ANO10: variants seen among roughly 807,000 people sequenced by gnomAD.
ANO10 encodes the protein anoctamin 10.
Under a neutral mutation model 74.7 loss-of-function variants are expected in ANO10, and 77 were observed. That is an observed-to-expected ratio of 1.03 (90% CI 0.86 to 1.25). The LOEUF (loss-of-function observed/expected upper bound fraction) is 1.25. Ranked by LOEUF, ANO10 falls within the 50% of genes most tolerant of loss-of-function variation. The probability of loss-of-function intolerance (pLI) is 0.00; values close to 1 mark genes in which losing one functional copy is unlikely to be tolerated. For missense variants in ANO10, 721 were observed against 778.1 expected (o/e 0.93, Z 0.87); for synonymous variants, 279 against 284.9 (o/e 0.98, Z 0.21).
chr3:43,571,943 CCTT>C (rs1023152285), intron 7 of ANO10, among the ~76,000 whole-genome samples: 9 of 151,144 alleles, frequency 6.0e-5, no homozygotes, highest in Admixed American at 2.0e-4. Flanking sequence ...CCCCATGTCT[CCTT>C]ATTAAATAAA....
intron 10 of ANO10, among the ~76,000 whole-genome samples, chr3:43,552,872 C>A (rs192956234): frequency 1.4e-4 from 22 of 152,034 alleles, no homozygotes; most frequent in African/African-American, 5.3e-4. Flanking sequence ...CAGCACACTG[C>A]AACCCCTGCC....
At chr3:43,464,594 A>G (rs1290045822) in intron 11 of ANO10, among the ~76,000 whole-genome samples, 1 of 152,086 alleles carries the variant, frequency 6.6e-6, no homozygotes, top group Non-Finnish European at 1.5e-5. Context: ...GTAGACAATC[A>G]CTTGAGTCCA....
At chr3:43,442,371 T>A (rs1233299821) in intron 11 of ANO10, among the ~76,000 whole-genome samples, 1 of 152,038 alleles carries the variant, frequency 6.6e-6, no homozygotes. Context: ...ATCAGTTACA[T>A]TTCTATATAC....
chr3:43,535,267 CTTTTTTTTT>C (rs71616100), intron 11 of ANO10, among the ~76,000 whole-genome samples: 1 of 107,896 alleles, frequency 9.3e-6, no homozygotes, highest in Non-Finnish European at 1.8e-5. Flanking sequence ...CCTAGACATT[CTTTTTTTTT>C]TTTTTTTTTT....
intron 12 of ANO10, among the ~76,000 whole-genome samples, chr3:43,418,630 T>C (rs574754038): frequency 1.3e-5 from 2 of 152,378 alleles, no homozygotes; most frequent in South Asian, 2.1e-4. Context: ...TGTTGATGCA[T>C]TGGTTATCTA....
At chr3:43,402,632 T>C (rs779310849) in intron 12 of ANO10, among the ~76,000 whole-genome samples, 13 of 152,220 alleles carry the variant, frequency 8.5e-5, no homozygotes, top group Middle Eastern at 3.4e-3. Flanking sequence ...TCCCAGGTCA[T>C]CCCTTCTTCT....
chr3:43,407,886 G>A (rs2092603642), intron 12 of ANO10, among the ~76,000 whole-genome samples: 1 of 152,212 alleles, frequency 6.6e-6, no homozygotes, highest in African/African-American at 2.4e-5. Context: ...CTTTGCAGGG[G>A]GATGAGGCTG....
At chr3:43,527,285 T>C (rs1015845003) in intron 11 of ANO10, among the ~76,000 whole-genome samples, 10 of 152,140 alleles carry the variant, frequency 6.6e-5, no homozygotes, top group African/African-American at 2.4e-4. Context: ...AGGTTTACCA[T>C]TATGTTAACA....
At chr3:43,409,302 C>T (rs918755685) in intron 12 of ANO10, among the ~76,000 whole-genome samples, 2 of 152,048 alleles carry the variant, frequency 1.3e-5, no homozygotes, top group African/African-American at 4.8e-5. Context: ...AATTCCAGCA[C>T]TTTGGGAGGC....
At chr3:43,436,358 A>T (rs2093067510) in intron 11 of ANO10, among the ~76,000 whole-genome samples, 1 of 152,188 alleles carries the variant, frequency 6.6e-6, no homozygotes, top group South Asian at 2.1e-4. Context: ...GGGTGGAAGG[A>T]GCCTGTCTAT....
intron 12 of ANO10, among the ~76,000 whole-genome samples, chr3:43,402,421 G>T (rs1195826557): frequency 2.0e-5 from 3 of 152,092 alleles, no homozygotes; most frequent in Non-Finnish European, 4.4e-5. Flanking sequence ...ATGCCTAAAT[G>T]ATACATAATA....
intron 11 of ANO10, among the ~76,000 whole-genome samples, chr3:43,508,782 CG>C (rs1462180712): frequency 1.4e-5 from 2 of 139,084 alleles, no homozygotes; most frequent in Non-Finnish European, 3.1e-5. Flanking sequence ...CATCACACAC[CG>C]GGGCCTGTTG....
At position 43,580,480 on chromosome 3, in the gene ANO10, G is replaced by C; in HGVS notation, c.473-8C>G. 2 of 1,613,040 alleles carry C rather than the reference G, an allele frequency of 1.2e-6. No individual in the cohort carries two copies. Among genetic ancestry groups the C allele is most frequent in the Non-Finnish European group, 1.7e-6 (2 of 1,179,830 alleles). ...ACGTGAGCAATCTTCTCACTGCACA[G>C]GGAAAATGTGCCAAACTGCATGAAA... On this transcript the variant is annotated splice_region_variant and splice_polypyrimidine_tract_variant and intron_variant, in intron 4 of 12. Coordinates refer to ENST00000292246, the MANE Select transcript of ANO10 (RefSeq NM_018075.5).
At chr3:43,474,612 A>C (rs1409203028) in intron 11 of ANO10, among the ~76,000 whole-genome samples, 1 of 152,264 alleles carries the variant, frequency 6.6e-6, no homozygotes, top group Non-Finnish European at 1.5e-5. Context: ...CTGTTTAAAA[A>C]GAATGAATGT....
intron 4 of ANO10, among the ~76,000 whole-genome samples, chr3:43,591,017 AG>A (rs1292371175): frequency 2.0e-5 from 3 of 152,200 alleles, no homozygotes; most frequent in African/African-American, 4.8e-5. Context: ...CTGAGAGCAC[AG>A]GGGGAGGGAC....
At chr3:43,684,688 T>C (rs939428743) in intron 1 of ANO10, among the ~76,000 whole-genome samples, 5 of 152,104 alleles carry the variant, frequency 3.3e-5, no homozygotes, top group Admixed American at 1.3e-4. Context: ...ACCCAAATGT[T>C]CAACAATGAT....
chr3:43,627,951 A>G (rs2083507525), intron 1 of ANO10, among the ~76,000 whole-genome samples: 1 of 152,058 alleles, frequency 6.6e-6, no homozygotes, highest in Admixed American at 6.6e-5. Flanking sequence ...CAGTGGCGCT[A>G]TCTAGGCTTA....
At chr3:43,423,509 G>A (rs1369819903) in intron 12 of ANO10, among the ~76,000 whole-genome samples, 1 of 152,172 alleles carries the variant, frequency 6.6e-6, no homozygotes, top group Admixed American at 6.5e-5. Context: ...TGGGGCAAAT[G>A]AACAGAAATG....
upstream of ANO10, among the ~76,000 whole-genome samples, chr3:43,624,179 C>G (rs776123154): frequency 1.3e-5 from 2 of 152,130 alleles, no homozygotes; most frequent in African/African-American, 2.4e-5. Flanking sequence ...ATATAGTAGT[C>G]CCCCTTAGCC....
Sources: gnomAD v4.1 joint callset for allele counts (sites outside exome capture counted in the v4.1 genomes callset) on GRCh38, gnomAD v4.1.1 for gene constraint, MANE v1.5 for transcripts, NCBI Gene and HGNC (gene_info 2026-07-23, HGNC 2026-07-21) for gene names.